FSIP1: variants seen among roughly 807,000 people sequenced by gnomAD.
FSIP1 encodes fibrous sheath-interacting protein 1.
Under a neutral mutation model 60.9 loss-of-function variants are expected in FSIP1, and 65 were observed. The ratio of observed to expected loss-of-function variants is 1.07; its 90% confidence interval spans 0.87 to 1.31. The LOEUF (loss-of-function observed/expected upper bound fraction) is 1.31. FSIP1 is among the 40% of genes most tolerant of loss of function. The probability of loss-of-function intolerance (pLI) is 0.00; values close to 1 mark genes in which losing one functional copy is unlikely to be tolerated. For synonymous variants in FSIP1, 209 were observed against 221.2 expected (o/e 0.94, Z 0.49); for missense variants, 675 against 665.5 (o/e 1.01, Z -0.16).
intron 3 of FSIP1, among the ~76,000 whole-genome samples, chr15:39,768,767 C>T (rs1207796721): frequency 6.6e-6 from 1 of 152,212 alleles, no homozygotes; most frequent in Admixed American, 6.5e-5. Context: ...GGGGTGGTTT[C>T]CTACAGGTTA....
At chr15:39,745,215 C>A (rs376360958) in intron 5 of FSIP1, among the ~76,000 whole-genome samples, 69 of 150,454 alleles carry the variant, frequency 4.6e-4, no homozygotes, top group African/African-American at 1.7e-3. Flanking sequence ...TTTCTGAATA[C>A]TGAATTATGC....
At chr15:39,735,277 T>C (rs1896564858) in intron 8 of FSIP1, among the ~76,000 whole-genome samples, 1 of 152,214 alleles carries the variant, frequency 6.6e-6, no homozygotes, top group Non-Finnish European at 1.5e-5. Context: ...CAAACCTAGA[T>C]GGTAGAGTGT....
rs750144639 is a variant in FSIP1 at position 39,763,987 on chromosome 15, A to G, written c.466-73T>C. ...ATAATCATTGATTTTTTAAACTCCAACACGGCTCCCAATCACATACGTACA... is the reference window on the plus strand; with the variant it reads ...ATAATCATTGATTTTTTAAACTCCAGCACGGCTCCCAATCACATACGTACA... On this transcript the variant is annotated intron_variant, in intron 4 of 11. Coordinates refer to ENST00000350221, the MANE Select transcript of FSIP1 (RefSeq NM_152597.5). 5.0e-6 allele frequency: 4 copies of G among 801,428 alleles called. No homozygotes were observed. The South Asian group carries it at 6.0e-5, about 12-fold the overall frequency. 49.6% of individuals were successfully genotyped at this position (801,428 alleles called of 1,614,324 possible).
intron 1 of FSIP1, among the ~76,000 whole-genome samples, chr15:39,780,131 C>T (rs1355664171): frequency 2.6e-5 from 4 of 152,162 alleles, no homozygotes; most frequent in Admixed American, 2.6e-4. Flanking sequence ...TTTTTTTAGG[C>T]ATATGCAAAC....
chr15:39,620,023 A>G (rs796295405), intron 10 of FSIP1, among the ~76,000 whole-genome samples: 4 of 152,328 alleles, frequency 2.6e-5, no homozygotes, highest in African/African-American at 7.2e-5. Context: ...TACACAGAAA[A>G]TGAAGCAGAA....
intron 5 of FSIP1, among the ~76,000 whole-genome samples, chr15:39,760,904 T>C (rs1264211209): frequency 1.3e-5 from 2 of 152,154 alleles, no homozygotes; most frequent in African/African-American, 4.8e-5. Context: ...AAGTTTTCCA[T>C]AAATTTAAAA....
intron 1 of FSIP1, among the ~76,000 whole-genome samples, chr15:39,781,227 T>C (rs900505681): frequency 8.5e-5 from 13 of 152,108 alleles, no homozygotes; most frequent in African/African-American, 3.1e-4. Flanking sequence ...TTCAACATCA[T>C]TACCCCTCAA....
chr15:39,738,192 C>T lies in FSIP1; in HGVS notation c.790G>A (p.Glu264Lys), dbSNP rs868666280. 1 of 1,603,896 alleles carries T rather than the reference C, an allele frequency of 6.2e-7. No homozygotes were observed. The highest frequency in any genetic ancestry group is 1.3e-5 in the African/African-American group (1 of 74,466). ...FIKRNIELAK[E>K]SRNPVVMVDR... ...ACCATAACCACTGGGTTTCTTGATT[C>T]CTTGGCCAACTACAGAATTTATTAA... The change falls in exon 8 of 12, where the codon GAA (glutamate) becomes AAA (lysine). Residue 264 changes from glutamate to lysine, a missense_variant. Coordinates refer to ENST00000350221, the MANE Select transcript of FSIP1 (RefSeq NM_152597.5).
intron 11 of FSIP1, among the ~76,000 whole-genome samples, chr15:39,608,046 TG>T (rs2140366146): frequency 6.6e-6 from 1 of 152,372 alleles, no homozygotes; most frequent in East Asian, 1.9e-4. Context: ...AGAATAAAAT[TG>T]ATCAGCAAGC....
intron 10 of FSIP1, among the ~76,000 whole-genome samples, chr15:39,671,694 A>T (rs182441689): frequency 1.6e-4 from 24 of 152,310 alleles, no homozygotes; most frequent in Admixed American, 1.6e-3. Flanking sequence ...ACTTTAGTTT[A>T]GCATGCAACA....
intron 5 of FSIP1, among the ~76,000 whole-genome samples, chr15:39,758,511 A>AG (rs919489628): frequency 1.5e-4 from 22 of 151,146 alleles, no homozygotes; most frequent in African/African-American, 2.9e-4. Flanking sequence ...GATTTTTTTG[A>AG]GGGGGGGGAA....
chr15:39,640,432 C>G lies in FSIP1; in HGVS notation c.1189-22187G>C, dbSNP rs142827239. On this transcript the variant is annotated intron_variant, in intron 10 of 11. Coordinates refer to ENST00000350221, the MANE Select transcript of FSIP1 (RefSeq NM_152597.5). Reference sequence around the variant, plus strand: ...CATCTGGCTGCATTATGTTTGGGACCTGTGGTAATGTCACAGAATCAGAAA... The same window carrying G: ...CATCTGGCTGCATTATGTTTGGGACGTGTGGTAATGTCACAGAATCAGAAA... Among the ~76,000 whole-genome samples the G allele has an allele frequency of 5.5e-3, 830 of 152,268 alleles. 11 individuals are homozygous for G. The highest frequency in any genetic ancestry group is 0.019 in the African/African-American group (772 of 41,548).
intron 8 of FSIP1, among the ~76,000 whole-genome samples, chr15:39,735,900 T>C (rs1201088497): frequency 6.6e-6 from 1 of 152,202 alleles, no homozygotes; most frequent in East Asian, 1.9e-4. Flanking sequence ...GGATCATCAA[T>C]ATCACTGTCT....
chr15:39,723,369 C>T (rs555798972), intron 9 of FSIP1, among the ~76,000 whole-genome samples: 4 of 152,296 alleles, frequency 2.6e-5, no homozygotes, highest in South Asian at 2.1e-4. Context: ...GCTGGGACTA[C>T]AGGCGCCTGC....
At chr15:39,648,415 A>G (rs1352052236) in intron 10 of FSIP1, among the ~76,000 whole-genome samples, 1 of 152,196 alleles carries the variant, frequency 6.6e-6, no homozygotes, top group Non-Finnish European at 1.5e-5. Context: ...TGGTTCCACA[A>G]ACTAGATCAT....
intron 10 of FSIP1, among the ~76,000 whole-genome samples, chr15:39,682,503 T>A (rs1309506682): frequency 6.6e-6 from 1 of 152,162 alleles, no homozygotes; most frequent in African/African-American, 2.4e-5. Context: ...TTCTCACTGC[T>A]CCCCAGGAAG....
chr15:39,718,432 T>A (rs1045986682), intron 9 of FSIP1, among the ~76,000 whole-genome samples: 1 of 152,158 alleles, frequency 6.6e-6, no homozygotes, highest in Non-Finnish European at 1.5e-5. Flanking sequence ...TTTTTCTTAT[T>A]TTTTTGTAGT....
In FSIP1 at chr15:39,603,209, C is replaced by T. The variant is rs78266425; in HGVS notation, c.1700-2283G>A. Among the ~76,000 whole-genome samples, 44 of 152,292 alleles carry T rather than the reference C, an allele frequency of 2.9e-4. No individual in the cohort carries two copies. In the East Asian group the frequency reaches 7.9e-3, roughly 27 times the overall value. ...CTCATGAAATGTTTGTGGGGTAAAT[C>T]GATGAATGAATGGATGGCAGATGGA... On this transcript the variant is annotated intron_variant, in intron 11 of 11. Coordinates refer to ENST00000350221, the MANE Select transcript of FSIP1 (RefSeq NM_152597.5).
At chr15:39,621,707 A>C (rs1310934698) in intron 10 of FSIP1, among the ~76,000 whole-genome samples, 1 of 152,222 alleles carries the variant, frequency 6.6e-6, no homozygotes, top group African/African-American at 2.4e-5. Flanking sequence ...ACTTTTATTT[A>C]TTTAGCTCCT....
Sources: gnomAD v4.1 joint callset for allele counts (sites outside exome capture counted in the v4.1 genomes callset) on GRCh38, gnomAD v4.1.1 for gene constraint, MANE v1.5 for transcripts, NCBI Gene and HGNC (gene_info 2026-07-23, HGNC 2026-07-21) for gene names.